Variants in STMND1 observed in about 807,000 individuals in gnomAD.
STMND1 encodes the protein stathmin domain-containing protein 1.
A neutral mutation model predicts 23.0 loss-of-function variants in STMND1; 17 were observed. The ratio of observed to expected loss-of-function variants is 0.74; its 90% confidence interval spans 0.51 to 1.11. The LOEUF is 1.11. Ranked by LOEUF, STMND1 falls within the 50% of genes least tolerant of loss-of-function variation. The pLI is 0.00. For synonymous variants in STMND1, 114 were observed against 119.9 expected (o/e 0.95, Z 0.32); for missense variants, 305 against 329.1 (o/e 0.93, Z 0.57).
chr6:17,128,273 T>TC (rs1279111901), intron 3 of STMND1: 2 of 152,180 alleles, frequency 1.3e-5, no homozygotes, highest in Admixed American at 1.3e-4. Context: ...GTGGGATTTT[T>TC]CCCCCGCTGT....
intron 1 of STMND1, among the ~76,000 whole-genome samples, chr6:17,112,520 G>A (rs573653503): frequency 1.3e-5 from 2 of 152,254 alleles, no homozygotes; most frequent in South Asian, 2.1e-4. Flanking sequence ...GCTCACGCCT[G>A]TAATCCCAGC....
chr6:17,122,426 C>T (rs1031091940), intron 3 of STMND1, among the ~76,000 whole-genome samples: 4 of 151,612 alleles, frequency 2.6e-5, no homozygotes, highest in Admixed American at 6.6e-5. Flanking sequence ...AGAAATTACC[C>T]CAAAGGCTAC....
intron 1 of STMND1, chr6:17,110,920 A>T (rs922838508): frequency 2.2e-6 from 1 of 455,150 alleles, no homozygotes; most frequent in Non-Finnish European, 4.4e-6. Context: ...GATAGCATCC[A>T]TTGAAATGAG....
At chr6:17,123,400 A>G (rs541985022) in intron 3 of STMND1, among the ~76,000 whole-genome samples, 2 of 152,254 alleles carry the variant, frequency 1.3e-5, no homozygotes, top group East Asian at 3.9e-4. Flanking sequence ...AGATATCCCA[A>G]CATAAGCCAG....
At position 17,120,742 on chromosome 6, in the gene STMND1, A is replaced by G; in HGVS notation, c.395A>G (p.Glu132Gly). The G allele has an allele frequency of 2.0e-6, 3 of 1,529,986 alleles. No homozygotes were observed. The highest frequency in any genetic ancestry group is 2.6e-6 in the Non-Finnish European group (3 of 1,145,108). The allele number at this position is 1,529,986 out of a possible 1,614,324, so 94.8% of individuals were successfully genotyped here. The stretch of plus-strand genomic sequence containing the variant: ...CACAGCAAAGTATTTAGAAATGGAG[A>G]ATCATATGATGTCACGGCAAGTAAT... ...QSHSKVFRNG[E>G]SYDVTLTTTE... The change falls in exon 3 of 5, where the codon GAA becomes GGA. Residue 132 changes from glutamate (E) to glycine (G), a missense_variant. Coordinates refer to ENST00000536551, the MANE Select transcript of STMND1 (RefSeq NM_001190766.2).
chr6:17,114,557 C>T (rs1423554012), intron 1 of STMND1, among the ~76,000 whole-genome samples: 1 of 152,200 alleles, frequency 6.6e-6, no homozygotes, highest in African/African-American at 2.4e-5. Flanking sequence ...TGAGCCACTG[C>T]GCCCGGCCAC....
At chr6:17,104,761 C>G (rs972439906) in intron 1 of STMND1, among the ~76,000 whole-genome samples, 1 of 152,202 alleles carries the variant, frequency 6.6e-6, no homozygotes, top group East Asian at 1.9e-4. Context: ...TTAGGTAGGA[C>G]ACATAAACCC....
At chr6:17,126,064 ATATATATTTTTTTTTTT>A (rs1455618501) in intron 3 of STMND1, among the ~76,000 whole-genome samples, 1 of 23,724 alleles carries the variant, frequency 4.2e-5, no homozygotes, top group Non-Finnish European at 7.1e-5. Context: ...ATATATATAT[ATATATATTTTTTTTTTT>A]TTTTTTTTTT....
chr6:17,127,288 G>A (rs569145816), intron 3 of STMND1, among the ~76,000 whole-genome samples: 6 of 152,274 alleles, frequency 3.9e-5, no homozygotes, highest in Non-Finnish European at 7.4e-5. Flanking sequence ...GGAGGCTCAC[G>A]CCTGTAATCC....
chr6:17,108,790 G>C (rs748653227), intron 1 of STMND1, among the ~76,000 whole-genome samples: 2 of 149,216 alleles, frequency 1.3e-5, no homozygotes, highest in Non-Finnish European at 1.5e-5. Flanking sequence ...TCCGCCTCTC[G>C]AGTTCAAGTG....
At chr6:17,118,090 G>C (rs1256990105) in intron 2 of STMND1, among the ~76,000 whole-genome samples, 1 of 152,040 alleles carries the variant, frequency 6.6e-6, no homozygotes, top group Non-Finnish European at 1.5e-5. Context: ...CTATGCAAAA[G>C]TTTATTTTTA....
At chr6:17,125,903 C>T (rs1244706583) in intron 3 of STMND1, among the ~76,000 whole-genome samples, 1 of 151,364 alleles carries the variant, frequency 6.6e-6, no homozygotes, top group Non-Finnish European at 1.5e-5. Flanking sequence ...GCATTTTGAA[C>T]TTGGCAGTCC....
At chr6:17,129,844 C>CA (rs1014326526) in intron 4 of STMND1, among the ~76,000 whole-genome samples, 4 of 148,402 alleles carry the variant, frequency 2.7e-5, no homozygotes, top group African/African-American at 2.5e-5. Context: ...ACCCCGTCTC[C>CA]AAAAAAAAGA....
At chr6:17,120,528 G>T (rs1356087651) in intron 2 of STMND1, 79 bp from the exon 3 acceptor site, 3 of 1,105,632 alleles carry the variant, frequency 2.7e-6, no homozygotes, top group Non-Finnish European at 3.7e-6. Context: ...TGGTTTAGAA[G>T]GCATCCGTTT....
chr6:17,128,980 C>G (rs545356849), intron 3 of STMND1, 132 bp from the exon 4 acceptor site: 2 of 918,514 alleles, frequency 2.2e-6, no homozygotes, highest in Non-Finnish European at 3.1e-6. Context: ...CCCAAAGTGC[C>G]GGGATTACAG....
intron 3 of STMND1, among the ~76,000 whole-genome samples, chr6:17,123,310 G>A (rs1158823212): frequency 2.0e-5 from 3 of 152,094 alleles, no homozygotes; most frequent in Non-Finnish European, 4.4e-5. Context: ...ATGGTTGTTG[G>A]GAACGTTCTC....
At chr6:17,110,972 G>C (rs1378256192) in intron 1 of STMND1, 1 of 440,402 alleles carries the variant, frequency 2.3e-6, no homozygotes, top group African/African-American at 2.0e-5. Flanking sequence ...CACCTGGAGA[G>C]AGAAGACATG....
At chr6:17,128,154 T>C (rs2113495570) in intron 3 of STMND1, 1 of 152,346 alleles carries the variant, frequency 6.6e-6, no homozygotes, top group South Asian at 2.1e-4. Flanking sequence ...CCTTAAAACT[T>C]TCTTCATAAA....
intron 2 of STMND1, among the ~76,000 whole-genome samples, chr6:17,118,767 G>C (rs1180722163): frequency 6.6e-6 from 1 of 152,206 alleles, no homozygotes. Context: ...TTGAGAGTAT[G>C]AGTGTTGGAG....
Sources: gnomAD v4.1 joint callset for allele counts (sites outside exome capture counted in the v4.1 genomes callset) on GRCh38, gnomAD v4.1.1 for gene constraint, MANE v1.5 for transcripts, NCBI Gene and HGNC (gene_info 2026-07-23, HGNC 2026-07-21) for gene names.